Variants in ZGRF1 observed in about 807,000 individuals in gnomAD.
The protein encoded by ZGRF1 is 5'-3' DNA helicase ZGRF1.
Under a neutral mutation model 203.5 loss-of-function variants are expected in ZGRF1, and 196 were observed. That is an observed-to-expected ratio of 0.96 (90% CI 0.86 to 1.08). The LOEUF (loss-of-function observed/expected upper bound fraction) is 1.08. Ranked by LOEUF, ZGRF1 falls within the 50% of genes least tolerant of loss-of-function variation. The pLI is 0.00. For synonymous variants in ZGRF1, 809 were observed against 841.3 expected (o/e 0.96, Z 0.66); for missense variants, 2,326 against 2,416.3 (o/e 0.96, Z 0.78).
intron 1 of ZGRF1, among the ~76,000 whole-genome samples, chr4:112,634,784 C>T (rs568928911): frequency 4.2e-4 from 64 of 152,218 alleles, no homozygotes; most frequent in African/African-American, 1.5e-3. Context: ...ATACTTGCTT[C>T]GTGACACAGG....
At chr4:112,582,476 G>C (rs1746437040) in intron 15 of ZGRF1, among the ~76,000 whole-genome samples, 1 of 151,502 alleles carries the variant, frequency 6.6e-6, no homozygotes, top group Non-Finnish European at 1.5e-5. Context: ...TTTTGAGACA[G>C]AGTCTGGCTT....
chr4:112,539,555 G>T lies in ZGRF1; in HGVS notation c.6307C>A (p.His2103Asn), dbSNP rs1737119317. 1 of 1,347,294 alleles carries T rather than the reference G, an allele frequency of 7.4e-7. No homozygotes were observed. Among genetic ancestry groups the T allele is most frequent in the Non-Finnish European group, 1.0e-6 (1 of 967,090 alleles). The allele number at this position is 1,347,294 out of a possible 1,614,324, so 83.5% of individuals were successfully genotyped here. A position where few individuals can be genotyped will look rare whatever the true frequency, so the allele number is the denominator to read the frequency against. Residue 2103 changes from histidine to asparagine, a missense_variant, in exon 28 of 28, where the codon CAT (histidine) becomes AAT (asparagine). By Grantham distance (68) the His-to-Asn change is moderately conservative. Transcript: ENST00000505019. ...ATTTACACCATGTCTTTTTATGAATGAGATTTATCTTTAGATTTCTCTTTT... is the reference window on the plus strand; with the variant it reads ...ATTTACACCATGTCTTTTTATGAATTAGATTTATCTTTAGATTTCTCTTTT... ...SEKEKSKDKS[H>N]S
chr4:112,625,325 G>A (rs1318931908), intron 3 of ZGRF1, among the ~76,000 whole-genome samples: 1 of 151,958 alleles, frequency 6.6e-6, no homozygotes, highest in African/African-American at 2.4e-5. Context: ...GGTGGCTCAA[G>A]CCTGTAATCC....
intron 16 of ZGRF1, among the ~76,000 whole-genome samples, chr4:112,566,597 TA>T (rs1248012982): frequency 1.3e-5 from 2 of 151,986 alleles, no homozygotes; most frequent in Non-Finnish European, 2.9e-5. Context: ...ACTTTTGAAT[TA>T]AAAAAATAAA....
At chr4:112,542,745 A>AT (rs998845968) in intron 24 of ZGRF1, among the ~76,000 whole-genome samples, 2 of 150,778 alleles carry the variant, frequency 1.3e-5, no homozygotes, top group South Asian at 2.1e-4. Flanking sequence ...AACTTTATCT[A>AT]TTTTTTTCTT....
rs543583184 is a variant in ZGRF1 at position 112,569,774 on chromosome 4, A to G, written c.4439-6500T>C. 3.9e-5 allele frequency among the ~76,000 whole-genome samples: 6 copies of G among 152,294 alleles called. No homozygotes were observed. In the South Asian group the frequency reaches 1.2e-3, roughly 32 times the overall value. On this transcript the variant is annotated intron_variant, in intron 16 of 27. Transcript: ENST00000505019. ...ATCGGGCTTATTCTATTTACAAGTC[A>G]CGTCTTTAAAATTGAGACATATGCT... is the stretch of plus-strand genomic sequence containing the variant.
At chr4:112,625,337 A>G (rs1021783869) in intron 3 of ZGRF1, among the ~76,000 whole-genome samples, 2 of 152,072 alleles carry the variant, frequency 1.3e-5, no homozygotes, top group African/African-American at 2.4e-5. Flanking sequence ...CTGTAATCCC[A>G]GCACTTTGGG....
chr4:112,587,621 A>T lies in ZGRF1; in HGVS notation c.3436T>A (p.Trp1146Arg). 3 of 1,613,874 alleles carry T rather than the reference A, an allele frequency of 1.9e-6. No homozygotes were observed. The highest frequency in any genetic ancestry group is 2.5e-6 in the Non-Finnish European group (3 of 1,179,824). Reference protein sequence around the residue: ...SLNNISTQSKWLKYQNTSQCN... With the variant: ...SLNNISTQSKRLKYQNTSQCN... ...TGGGATGTGTTTTGATATTTCAGCCACTTGCTCTGAGTAGATATATTATTA... is the reference window on the plus strand; with the variant it reads ...TGGGATGTGTTTTGATATTTCAGCCTCTTGCTCTGAGTAGATATATTATTA... Residue 1146 changes from tryptophan to arginine, a missense_variant, in exon 12 of 28, where the codon TGG becomes AGG. Trp to Arg is a moderately radical substitution (Grantham distance 101). Coordinates refer to ENST00000505019, the MANE Select transcript of ZGRF1 (RefSeq NM_018392.5).
intron 10 of ZGRF1, among the ~76,000 whole-genome samples, chr4:112,601,102 C>CAAA (rs111982841): frequency 1.7e-5 from 2 of 120,518 alleles, no homozygotes; most frequent in African/African-American, 6.1e-5. Context: ...GACTCCATCT[C>CAAA]AAAAAAAAAA....
In ZGRF1 at chr4:112,619,018, T is replaced by C. The variant is rs138975728; in HGVS notation, c.1024A>G (p.Thr342Ala). 3.0e-4 allele frequency: 486 copies of C among 1,613,926 alleles called. 2 individuals carry two copies. In the African/African-American group the frequency reaches 5.8e-3, roughly 19 times the overall value. Residue 342 changes from threonine (T) to alanine (A), a missense_variant, in exon 6 of 28, where the codon ACT becomes GCT. By Grantham distance (58) the Thr-to-Ala change is moderately conservative. Transcript: ENST00000505019. The part of the protein sequence containing the change: ...SSQSSPIHSS[T>A]VDGNDTERKP... ...CTTTCTGTATCATTCCCATCTACAG[T>C]AGAAGAATGTATAGGTGAACTCTGT...
rs775790624 is a variant in ZGRF1, at chr4:112,584,103, C to A, written c.4173G>T (p.Val1391=). 3.7e-6 allele frequency: 6 copies of A among 1,613,568 alleles called. No individual in the cohort carries two copies. The highest frequency in any genetic ancestry group is 5.1e-6 in the Non-Finnish European group (6 of 1,179,638). Residue 1391 remains valine (V), a synonymous_variant, in exon 15 of 28, where the codon GTG becomes GTT. Transcript: ENST00000505019. The part of the protein sequence containing the change: ...RCKFFKWLED[V]TPGYSTQEGA... Reference sequence around the variant, plus strand: ...CTTCCTGTGTTGAATATCCTGGAGTCACGTCCTCAAGCCATTTAAAGAATT... The same window carrying A: ...CTTCCTGTGTTGAATATCCTGGAGTAACGTCCTCAAGCCATTTAAAGAATT...
chr4:112,549,885 C>A (rs933722776), intron 22 of ZGRF1, among the ~76,000 whole-genome samples: 5 of 152,110 alleles, frequency 3.3e-5, no homozygotes, highest in Middle Eastern at 3.4e-3. Flanking sequence ...TGTCCTAGTG[C>A]CCCTAAAAAT....
Position 112,585,600 on chromosome 4 carries a change from A to G in ZGRF1, c.4042T>C (p.Ser1348Pro), listed in dbSNP as rs1196521459. 14 of 1,612,642 alleles carry G rather than the reference A, an allele frequency of 8.7e-6. No individual in the cohort carries two copies. The highest frequency in any genetic ancestry group is 1.2e-5 in the Non-Finnish European group (14 of 1,179,462). ...TTTGCAGGTTGACTATGATGGCAGGATGGTACATTATTTTCTGCGTTTTTC... is the reference window on the plus strand; with the variant it reads ...TTTGCAGGTTGACTATGATGGCAGGGTGGTACATTATTTTCTGCGTTTTTC... ...KLKNAENNVP[S>P]CHHSQPAKLV... is the part of the protein sequence containing the mutation. The change falls in exon 14 of 28, where the codon TCC becomes CCC. Residue 1348 changes from serine to proline, a missense_variant. Transcript: ENST00000505019.
intron 3 of ZGRF1, 158 bp from the exon 4 acceptor site, chr4:112,624,034 T>G: frequency 1.7e-6 from 1 of 582,892 alleles, no homozygotes. Flanking sequence ...TTTTGAATGT[T>G]TATTATGCAT....
At chr4:112,579,304 C>T (rs1486961616) in intron 16 of ZGRF1, among the ~76,000 whole-genome samples, 2 of 122,892 alleles carry the variant, frequency 1.6e-5, no homozygotes, top group African/African-American at 2.8e-5. Flanking sequence ...GACAAACCCA[C>T]AGCCAATATC....
At chr4:112,562,562 T>C (rs1444200424) in intron 17 of ZGRF1, 77 bp from the exon 18 acceptor site, 15 of 830,296 alleles carry the variant, frequency 1.8e-5, no homozygotes, top group Non-Finnish European at 3.0e-5. Context: ...AATGCCCACA[T>C]AACTCAGAGT....
At chr4:112,634,479 T>C (rs886318270) in intron 1 of ZGRF1, among the ~76,000 whole-genome samples, 10 of 150,712 alleles carry the variant, frequency 6.6e-5, no homozygotes, top group Admixed American at 4.0e-4. Flanking sequence ...GTGAAACCCC[T>C]GTCTCTACTA....
intron 17 of ZGRF1, among the ~76,000 whole-genome samples, 191 bp from the exon 18 acceptor site, chr4:112,562,676 T>TA (rs1432947453): frequency 6.6e-6 from 1 of 152,248 alleles, no homozygotes; most frequent in Non-Finnish European, 1.5e-5. Flanking sequence ...TCATTCATTT[T>TA]ATAATGGGTA....
chr4:112,618,175 T>C lies in ZGRF1; in HGVS notation c.1867A>G (p.Met623Val). ...GTGTTTTCAGTTTTACATATTCCCA[T>C]GTCAAAACCCACATAAGTTTTATCA... ...FCDKTYVGFD[M>V]GICKTENTGK... Residue 623 changes from methionine (M) to valine (V), a missense_variant, in exon 6 of 28, where the codon ATG becomes GTG. By Grantham distance (21) the Met-to-Val change is conservative (BLOSUM62 1). Transcript: ENST00000505019. 1 of 1,613,794 alleles carries C rather than the reference T, an allele frequency of 6.2e-7. No individual in the cohort carries two copies. The highest frequency in any genetic ancestry group is 1.1e-5 in the South Asian group (1 of 90,974).
Sources: allele counts gnomAD v4.1 joint callset (sites outside exome capture counted in the v4.1 genomes callset), GRCh38; gene constraint gnomAD v4.1.1; transcripts MANE v1.5; gene names NCBI Gene and HGNC (gene_info 2026-07-23, HGNC 2026-07-21).